KCNIP4: variants seen among roughly 807,000 people sequenced by gnomAD.
KCNIP4 encodes the protein Kv channel-interacting protein 4.
Under a neutral mutation model 34.0 loss-of-function variants are expected in KCNIP4, and 12 were observed. The observed-to-expected ratio is 0.35, with a 90% CI of 0.23 to 0.57. The LOEUF (loss-of-function observed/expected upper bound fraction) is 0.57, where lower values mean the gene tolerates loss of function less well. Ranked by LOEUF, KCNIP4 falls within the 20% of genes least tolerant of loss-of-function variation. The pLI is 0.83. For missense variants in KCNIP4, 238 were observed against 311.7 expected (o/e 0.76, Z 1.78); for synonymous variants, 124 against 102.2 (o/e 1.21, Z -1.29).
chr4:21,426,415 G>T lies in KCNIP4; in HGVS notation c.61+522156C>A, dbSNP rs1000873316. On this transcript the variant is annotated intron_variant, in intron 1 of 8. Coordinates refer to ENST00000382152, the MANE Select transcript of KCNIP4 (RefSeq NM_025221.6). ...CATAACAATATTATGACATGTAAATGACACCTTAATAAAGCTATTTTTAAA... is the reference window on the plus strand; with the variant it reads ...CATAACAATATTATGACATGTAAATTACACCTTAATAAAGCTATTTTTAAA... 5.3e-5 allele frequency among the ~76,000 whole-genome samples: 8 copies of T among 152,236 alleles called. No homozygotes were observed. The East Asian group carries it at 5.8e-4, about 11-fold the overall frequency.
chr4:21,895,310 A>C (rs114142846), intron 1 of KCNIP4, among the ~76,000 whole-genome samples: 1,854 of 152,268 alleles, frequency 0.012, 45 homozygotes, highest in African/African-American at 0.043. Context: ...GTATGTGATA[A>C]GGACAAAAGA....
At chr4:21,768,064 A>T (rs1718541873) in intron 1 of KCNIP4, among the ~76,000 whole-genome samples, 1 of 152,140 alleles carries the variant, frequency 6.6e-6, no homozygotes, top group African/African-American at 2.4e-5. Context: ...ACAGACATGG[A>T]TATCAATCTC....
At chr4:21,017,181 A>G (rs1345478105) in intron 1 of KCNIP4, among the ~76,000 whole-genome samples, 1 of 152,228 alleles carries the variant, frequency 6.6e-6, no homozygotes, top group African/African-American at 2.4e-5. Context: ...TCAATAAAAT[A>G]TAAATTATTT....
At chr4:21,344,587 A>T (rs1353370754) in intron 1 of KCNIP4, among the ~76,000 whole-genome samples, 1 of 152,188 alleles carries the variant, frequency 6.6e-6, no homozygotes, top group African/African-American at 2.4e-5. Context: ...TGAGACAGAT[A>T]GGTATGATGC....
chr4:21,300,477 T>A (rs2109239485), intron 1 of KCNIP4, among the ~76,000 whole-genome samples: 1 of 152,310 alleles, frequency 6.6e-6, no homozygotes, highest in Admixed American at 6.5e-5. Context: ...GGCATTAAGA[T>A]TACTTTTCTT....
intron 1 of KCNIP4, among the ~76,000 whole-genome samples, chr4:21,664,546 G>A (rs1748695283): frequency 6.6e-6 from 1 of 152,140 alleles, no homozygotes; most frequent in African/African-American, 2.4e-5. Flanking sequence ...AGTTTGGAAT[G>A]TGGGCCTATC....
chr4:21,580,970 G>T (rs1199534214), intron 1 of KCNIP4, among the ~76,000 whole-genome samples: 2 of 152,054 alleles, frequency 1.3e-5, no homozygotes, highest in African/African-American at 4.8e-5. Flanking sequence ...GCTTATCCAG[G>T]AGAGCTGACA....
intron 1 of KCNIP4, among the ~76,000 whole-genome samples, chr4:21,126,114 G>A (rs960681039): frequency 6.6e-6 from 1 of 152,010 alleles, no homozygotes; most frequent in South Asian, 2.1e-4. Context: ...TCCAGTCTGG[G>A]TTTAGCTTCA....
chr4:21,036,767 A>C (rs1420773281), intron 1 of KCNIP4, among the ~76,000 whole-genome samples: 2 of 152,256 alleles, frequency 1.3e-5, no homozygotes, highest in African/African-American at 4.8e-5. Context: ...GTCTTGTTTC[A>C]TGACGGCTTT....
At chr4:21,181,461 C>A (rs17447985) in intron 1 of KCNIP4, among the ~76,000 whole-genome samples, 16,971 of 152,116 alleles carry the variant, frequency 0.11, 1,047 homozygotes, top group East Asian at 0.19. Context: ...GGGAGTATCA[C>A]ATGGATTGCA....
At chr4:21,860,832 C>T (rs2109350429) in intron 1 of KCNIP4, among the ~76,000 whole-genome samples, 1 of 152,296 alleles carries the variant, frequency 6.6e-6, no homozygotes, top group South Asian at 2.1e-4. Context: ...GTGTCACAGT[C>T]TACAAATATT....
chr4:20,831,946 A>G (rs1578726114), intron 3 of KCNIP4, among the ~76,000 whole-genome samples: 2 of 152,338 alleles, frequency 1.3e-5, no homozygotes, highest in East Asian at 3.9e-4. Flanking sequence ...TGTGGCCAAC[A>G]TACGGGAACT....
intron 2 of KCNIP4, among the ~76,000 whole-genome samples, chr4:20,863,096 T>C (rs954502630): frequency 6.6e-6 from 1 of 152,002 alleles, no homozygotes; most frequent in Admixed American, 6.6e-5. Flanking sequence ...GACAGGGGAA[T>C]TGCAATGGAG....
intron 5 of KCNIP4, among the ~76,000 whole-genome samples, chr4:20,743,604 T>C (rs1316810153): frequency 2.0e-5 from 3 of 152,166 alleles, no homozygotes; most frequent in African/African-American, 7.2e-5. Context: ...CCTTACACTT[T>C]ATACAAAAAT....
chr4:21,764,044 T>C (rs1393589379), intron 1 of KCNIP4, among the ~76,000 whole-genome samples: 11 of 152,128 alleles, frequency 7.2e-5, no homozygotes. Context: ...TAATGAACAG[T>C]ATGGTAAAGC....
intron 1 of KCNIP4, among the ~76,000 whole-genome samples, chr4:21,599,511 T>G (rs1742927071): frequency 6.6e-6 from 1 of 151,864 alleles, no homozygotes; most frequent in Non-Finnish European, 1.5e-5. Context: ...TGCCACAGAC[T>G]GTGTTAAGTA....
chr4:20,942,025 G>A (rs1731692353), intron 1 of KCNIP4, among the ~76,000 whole-genome samples: 1 of 152,200 alleles, frequency 6.6e-6, no homozygotes, highest in Admixed American at 6.5e-5. Context: ...CCCACGGAGG[G>A]ATTCTAGTAG....
At chr4:21,913,546 C>T (rs949102305) in intron 1 of KCNIP4, among the ~76,000 whole-genome samples, 2 of 151,958 alleles carry the variant, frequency 1.3e-5, no homozygotes, top group African/African-American at 4.8e-5. Flanking sequence ...CTGTTCTTTA[C>T]AAATTATGTA....
intron 1 of KCNIP4, among the ~76,000 whole-genome samples, chr4:21,519,315 G>A (rs572851079): frequency 2.0e-5 from 3 of 151,036 alleles, no homozygotes; most frequent in Non-Finnish European, 4.4e-5. Flanking sequence ...GTTCTCTAGA[G>A]GGACAGAAAT....
Sources: allele counts gnomAD v4.1 joint callset (sites outside exome capture counted in the v4.1 genomes callset), GRCh38; gene constraint gnomAD v4.1.1; transcripts MANE v1.5; gene names NCBI Gene and HGNC (gene_info 2026-07-23, HGNC 2026-07-21).